The following NCKAP5 variants were observed in gnomAD, a reference collection of about 807,000 sequenced individuals.
NCKAP5 encodes the protein NCK associated protein 5.
A neutral mutation model predicts 167.0 loss-of-function variants in NCKAP5; 92 were observed. That is an observed-to-expected ratio of 0.55 (90% CI 0.47 to 0.66). The LOEUF is 0.66. NCKAP5 is among the 30% of genes least tolerant of loss of function. NCKAP5 has a pLI of 0.00. For synonymous variants in NCKAP5, 891 were observed against 877.4 expected (o/e 1.02, Z -0.27); for missense variants, 2,378 against 2,315.0 (o/e 1.03, Z -0.56).
chr2:133,643,369 C>T, the NCKAP5 span, among the ~76,000 whole-genome samples: 16 of 152,176 alleles, frequency 1.1e-4, no homozygotes, highest in South Asian at 8.3e-4. Flanking sequence ...CACAGCCCAC[C>T]CCACAACTCT....
the NCKAP5 span, among the ~76,000 whole-genome samples, chr2:133,619,117 A>G: frequency 1.9e-4 from 25 of 128,784 alleles, no homozygotes; most frequent in Non-Finnish European, 3.0e-4. Flanking sequence ...AGAACACATG[A>G]ACACAGGAAG....
chr2:133,184,489 C>T (rs1294320420), intron 5 of NCKAP5, among the ~76,000 whole-genome samples: 2 of 151,994 alleles, frequency 1.3e-5, no homozygotes, highest in Admixed American at 6.6e-5. Context: ...ACCCAGTAAT[C>T]GGATTGCGGG....
At chr2:133,085,923 C>A (rs1325266390) in intron 6 of NCKAP5, among the ~76,000 whole-genome samples, 1 of 152,094 alleles carries the variant, frequency 6.6e-6, no homozygotes, top group Non-Finnish European at 1.5e-5. Context: ...TAATAAGGGT[C>A]CCCCAACATG....
chr2:133,022,490 G>C (rs568430270), intron 6 of NCKAP5, among the ~76,000 whole-genome samples: 1 of 152,288 alleles, frequency 6.6e-6, no homozygotes, highest in African/African-American at 2.4e-5. Flanking sequence ...TCTGCCTAAA[G>C]ATGGATCCTC....
chr2:132,979,759 ATCTGAATTTTAC>A (rs1328837792), intron 7 of NCKAP5, among the ~76,000 whole-genome samples: 1 of 152,162 alleles, frequency 6.6e-6, no homozygotes, highest in African/African-American at 2.4e-5. Context: ...ACTCCCATTT[ATCTGAATTTTAC>A]TCCTTCAAAG....
rs186135832 is a variant in NCKAP5 at position 133,554,140 on chromosome 2, T to C, written c.-62+4910A>G. ...TCTCTGAGGCTTCTAGTTTCTGACC[T>C]GTAGATAATCTTTTAAGGAGCTTGC... On this transcript the variant is annotated intron_variant, in intron 2 of 19. Coordinates refer to ENST00000409261, the MANE Select transcript of NCKAP5 (RefSeq NM_207363.3). 4.3e-4 allele frequency among the ~76,000 whole-genome samples: 66 copies of C among 152,348 alleles called. 1 individual carries two copies. The highest frequency in any genetic ancestry group is 7.2e-4 in the Admixed American group (11 of 15,304).
intron 4 of NCKAP5, among the ~76,000 whole-genome samples, chr2:133,287,725 G>C (rs1679254469): frequency 6.6e-6 from 1 of 152,186 alleles, no homozygotes; most frequent in Non-Finnish European, 1.5e-5. Flanking sequence ...ATAGTCTCAA[G>C]TTCAGCAGGG....
intron 5 of NCKAP5, among the ~76,000 whole-genome samples, chr2:133,174,432 C>T (rs974449131): frequency 2.0e-5 from 3 of 152,232 alleles, no homozygotes; most frequent in Non-Finnish European, 2.9e-5. Flanking sequence ...GGAAGAGATA[C>T]CTTGAGACTA....
intron 6 of NCKAP5, among the ~76,000 whole-genome samples, chr2:133,030,393 G>A (rs951644335): frequency 1.1e-4 from 17 of 152,184 alleles, no homozygotes; most frequent in African/African-American, 3.4e-4. Context: ...ATCTGACCAC[G>A]CCTGCTGGGC....
At chr2:133,266,369 A>C (rs1296300734) in intron 4 of NCKAP5, 1 of 153,250 alleles carries the variant, frequency 6.5e-6, no homozygotes, top group Non-Finnish European at 1.5e-5. Flanking sequence ...GGTCAAGGAG[A>C]CCCAGGCGGG....
chr2:133,436,843 G>A (rs1336107977), intron 3 of NCKAP5, among the ~76,000 whole-genome samples: 2 of 152,056 alleles, frequency 1.3e-5, no homozygotes, highest in Admixed American at 1.3e-4. Context: ...CTATGAGCCC[G>A]TTTTCTCAGA....
chr2:132,807,684 A>G (rs1685542262), intron 11 of NCKAP5, among the ~76,000 whole-genome samples: 1 of 152,084 alleles, frequency 6.6e-6, no homozygotes, highest in Non-Finnish European at 1.5e-5. Flanking sequence ...TTCAATGTAA[A>G]TGATCATATT....
chr2:132,722,608 G>A (rs72987789), intron 19 of NCKAP5, among the ~76,000 whole-genome samples: 57 of 152,070 alleles, frequency 3.7e-4, no homozygotes, highest in African/African-American at 1.3e-3. Context: ...AAATTTACAT[G>A]AGCCCCAGAC....
chr2:133,150,238 G>A (rs2083339002), intron 5 of NCKAP5, among the ~76,000 whole-genome samples: 1 of 152,118 alleles, frequency 6.6e-6, no homozygotes, highest in East Asian at 1.9e-4. Flanking sequence ...GCACATTCTA[G>A]CTCTGTCCTA....
At chr2:132,894,589 A>C (rs1247534920) in intron 8 of NCKAP5, among the ~76,000 whole-genome samples, 1 of 152,164 alleles carries the variant, frequency 6.6e-6, no homozygotes, top group Non-Finnish European at 1.5e-5. Flanking sequence ...AGGGATGCTG[A>C]CTGCTCACTC....
chr2:133,541,219 C>T (rs1181086010), intron 2 of NCKAP5, among the ~76,000 whole-genome samples: 1 of 151,770 alleles, frequency 6.6e-6, no homozygotes, highest in Non-Finnish European at 1.5e-5. Flanking sequence ...AAGGTAACTT[C>T]ATGAATTTTT....
At chr2:133,364,170 C>T (rs962330184) in intron 3 of NCKAP5, among the ~76,000 whole-genome samples, 39 of 152,132 alleles carry the variant, frequency 2.6e-4, no homozygotes, top group Admixed American at 4.6e-4. Context: ...CAAAATCAGG[C>T]ATCTGGTAAG....
intron 3 of NCKAP5, among the ~76,000 whole-genome samples, chr2:133,462,543 C>T (rs1170317752): frequency 2.0e-4 from 30 of 152,080 alleles, no homozygotes. Context: ...TCCAAATATA[C>T]TTTTATAAGA....
chr2:133,563,386 T>C (rs1300407551), intron 1 of NCKAP5, among the ~76,000 whole-genome samples: 3 of 151,916 alleles, frequency 2.0e-5, no homozygotes, highest in Admixed American at 6.6e-5. Flanking sequence ...CTGGCCAACA[T>C]GGTGAAACCC....
Sources: allele counts gnomAD v4.1 joint callset (sites outside exome capture counted in the v4.1 genomes callset), GRCh38; gene constraint gnomAD v4.1.1; transcripts MANE v1.5; gene names NCBI Gene and HGNC (gene_info 2026-07-23, HGNC 2026-07-21).